The following DSCAM variants were observed in gnomAD, a reference collection of about 807,000 sequenced individuals.
The protein encoded by DSCAM is cell adhesion molecule DSCAM.
A neutral mutation model predicts 217.7 loss-of-function variants in DSCAM; 47 were observed. The observed-to-expected ratio is 0.22, with a 90% confidence interval of 0.17 to 0.28. DSCAM has a LOEUF of 0.28. DSCAM is among the 10% of genes least tolerant of loss of function. The pLI, the probability that DSCAM is intolerant of heterozygous loss-of-function variation, is 1.00. For missense variants in DSCAM, 2,080 were observed against 2,618.3 expected, an observed-to-expected ratio of 0.79 and a Z score of 4.49; for synonymous variants, 1,056 against 1,015.3, an observed-to-expected ratio of 1.04 and a Z score of -0.76.
intron 11 of DSCAM, among the ~76,000 whole-genome samples, chr21:40,243,511 CT>C (rs1367110488): frequency 6.6e-6 from 1 of 152,128 alleles, no homozygotes; most frequent in Non-Finnish European, 1.5e-5. Flanking sequence ...AAATGTGAAG[CT>C]TCTCATTCAA....
At chr21:40,435,546 C>CAA (rs3069912) in intron 3 of DSCAM, among the ~76,000 whole-genome samples, 30,372 of 143,326 alleles carry the variant, frequency 0.21, 3,883 homozygotes, top group Admixed American at 0.29. Flanking sequence ...CTGTATCTAC[C>CAA]AAAAAAAAAA....
chr21:40,141,975 T>TACACAC lies in DSCAM; in HGVS notation c.3406+577_3406+582dup, dbSNP rs72076559. ...GAACATTTTGCCCTACCACTTGAAATACACACACACACACACACACACACG... is the reference window on the plus strand; with the variant it reads ...GAACATTTTGCCCTACCACTTGAAATACACACACACACACACACACACACACACACG... On this transcript the variant is annotated intron_variant, in intron 18 of 32. Transcript: ENST00000400454. Among the ~76,000 whole-genome samples the TACACAC allele has an allele frequency of 2.4e-4, 34 of 143,206 alleles. 1 individual carries two copies. Among genetic ancestry groups the TACACAC allele is most frequent in the African/African-American group, 6.3e-4 (23 of 36,520 alleles). The allele number at this position is 143,206 out of a possible 152,430, so 93.9% of individuals were successfully genotyped here.
At chr21:40,475,969 G>A (rs140650984) in intron 3 of DSCAM, among the ~76,000 whole-genome samples, 5 of 152,238 alleles carry the variant, frequency 3.3e-5, no homozygotes, top group African/African-American at 1.2e-4. Flanking sequence ...TATCTGTCAG[G>A]TTATCCAATC....
chr21:40,731,038 A>G (rs1221526163), intron 1 of DSCAM, among the ~76,000 whole-genome samples: 1 of 152,174 alleles, frequency 6.6e-6, no homozygotes, highest in East Asian at 1.9e-4. Context: ...TTTCTCTCAT[A>G]CTTTTAAAGT....
At chr21:40,617,340 G>T (rs1253721780) in intron 3 of DSCAM, among the ~76,000 whole-genome samples, 3 of 151,898 alleles carry the variant, frequency 2.0e-5, no homozygotes, top group Admixed American at 1.3e-4. Context: ...TAGCCAGGAT[G>T]GTCTCGATCT....
At chr21:40,338,484 C>G in intron 7 of DSCAM, 108 bp from the exon 8 acceptor site, 2 of 1,186,038 alleles carry the variant, frequency 1.7e-6, no homozygotes. Flanking sequence ...TTCATGTAAG[C>G]ACATCTTTTT....
chr21:40,087,050 T>C (rs1568933552), intron 22 of DSCAM, 120 bp downstream of exon 22: 1 of 737,736 alleles, frequency 1.4e-6, no homozygotes, highest in South Asian at 1.7e-5. Context: ...TTGGTAGGTT[T>C]CCTTGAGTTT....
At chr21:40,065,210 C>A (rs1601291259) in intron 27 of DSCAM, among the ~76,000 whole-genome samples, 1 of 152,038 alleles carries the variant, frequency 6.6e-6, no homozygotes, top group Non-Finnish European at 1.5e-5. Context: ...TGGACTAGAA[C>A]AACATGGAAG....
At chr21:40,175,584 T>C (rs1387126113) in intron 15 of DSCAM, among the ~76,000 whole-genome samples, 1 of 152,032 alleles carries the variant, frequency 6.6e-6, no homozygotes. Context: ...CTTGGGCCTA[T>C]TGTATAAGGG....
intron 32 of DSCAM, among the ~76,000 whole-genome samples, chr21:40,029,527 G>C (rs188707251): frequency 6.6e-6 from 1 of 151,854 alleles, no homozygotes; most frequent in African/African-American, 2.4e-5. Flanking sequence ...TTAATTTTAG[G>C]ATCCATTCAT....
intron 20 of DSCAM, among the ~76,000 whole-genome samples, chr21:40,122,834 C>T (rs187919239): frequency 2.6e-4 from 40 of 152,314 alleles, no homozygotes; most frequent in Admixed American, 1.1e-3. Context: ...AGCAAGCCCA[C>T]ACACTCTCAC....
chr21:40,439,593 C>A lies in DSCAM; in HGVS notation c.509-70348G>T, dbSNP rs1046131155. 5.9e-5 allele frequency among the ~76,000 whole-genome samples: 9 copies of A among 152,144 alleles called. No individual in the cohort carries two copies. In the South Asian group the frequency reaches 1.9e-3, roughly 32 times the overall value. On this transcript the variant is annotated intron_variant, in intron 3 of 32. Transcript: ENST00000400454. ...GGAGCTGCCTAGCCATGCTAAAGCC[C>A]AATGCTTCCTTCTGTATTAGTCTGC... is the stretch of plus-strand genomic sequence containing the variant.
chr21:40,456,650 T>C (rs1424856598), intron 3 of DSCAM, among the ~76,000 whole-genome samples: 1 of 151,642 alleles, frequency 6.6e-6, no homozygotes, highest in African/African-American at 2.4e-5. Flanking sequence ...TGAAGTGCAA[T>C]ACACTTCACA....
At chr21:40,839,615 A>G (rs948312303) in intron 1 of DSCAM, among the ~76,000 whole-genome samples, 17 of 151,944 alleles carry the variant, frequency 1.1e-4, no homozygotes, top group Non-Finnish European at 2.4e-4. Flanking sequence ...ATTTCATAAT[A>G]TTTCTGCAAG....
chr21:40,545,554 C>G (rs1350270000), intron 3 of DSCAM, among the ~76,000 whole-genome samples: 1 of 152,112 alleles, frequency 6.6e-6, no homozygotes. Context: ...ACAGAGAAGT[C>G]ACACAAAGAG....
chr21:40,284,802 C>A (rs563917624), intron 10 of DSCAM, among the ~76,000 whole-genome samples: 1 of 152,298 alleles, frequency 6.6e-6, no homozygotes, highest in East Asian at 1.9e-4. Flanking sequence ...ACACACCACA[C>A]CATCCAGGTG....
intron 26 of DSCAM, among the ~76,000 whole-genome samples, chr21:40,077,964 C>T (rs1238415350): frequency 6.6e-6 from 1 of 152,192 alleles, no homozygotes; most frequent in Non-Finnish European, 1.5e-5. Flanking sequence ...TTCTAAAGTT[C>T]CCCTACTAAG....
At chr21:40,639,735 AAAT>A (rs1014737751) in intron 3 of DSCAM, among the ~76,000 whole-genome samples, 4 of 151,926 alleles carry the variant, frequency 2.6e-5, no homozygotes, top group Non-Finnish European at 1.5e-5. Flanking sequence ...CTGTGGTTCC[AAAT>A]TCTAAACCCT....
intron 3 of DSCAM, among the ~76,000 whole-genome samples, chr21:40,578,299 C>T (rs1024303051): frequency 1.3e-5 from 2 of 152,134 alleles, no homozygotes; most frequent in Non-Finnish European, 2.9e-5. Flanking sequence ...GTCAGTTGGG[C>T]TTCTGGGTAG....
Sources: allele counts gnomAD v4.1 joint callset (sites outside exome capture counted in the v4.1 genomes callset), GRCh38; gene constraint gnomAD v4.1.1; transcripts MANE v1.5; gene names NCBI Gene and HGNC (gene_info 2026-07-23, HGNC 2026-07-21).